Variants in NINL observed in about 807,000 individuals in gnomAD.
The protein encoded by NINL is ninein like.
In NINL, 153 loss-of-function variants were observed where a neutral mutation model predicts 160.3. The observed-to-expected ratio is 0.95, with a 90% CI of 0.84 to 1.09. The LOEUF is 1.09. NINL is among the 50% of genes least tolerant of loss of function. The probability of loss-of-function intolerance (pLI) is 0.00; values close to 1 mark genes in which losing one functional copy is unlikely to be tolerated. For missense variants in NINL, 1,829 were observed against 1,764.0 expected, an observed-to-expected ratio of 1.04 and a Z score of -0.66; for synonymous variants, 800 against 734.8, an observed-to-expected ratio of 1.09 and a Z score of -1.43.
chr20:25,486,516 C>A (rs970464670), intron 13 of NINL, among the ~76,000 whole-genome samples: 1 of 152,232 alleles, frequency 6.6e-6, no homozygotes, highest in African/African-American at 2.4e-5. Flanking sequence ...CCACATGCAG[C>A]TGCAGTCCTA....
intron 1 of NINL, among the ~76,000 whole-genome samples, chr20:25,584,683 G>A (rs2065208145): frequency 6.6e-6 from 1 of 152,110 alleles, no homozygotes; most frequent in Admixed American, 6.5e-5. Flanking sequence ...CCTAGTTCCA[G>A]GGCTTGGCCT....
At chr20:25,521,208 C>A (rs1374044803) in intron 2 of NINL, among the ~76,000 whole-genome samples, 1 of 152,184 alleles carries the variant, frequency 6.6e-6, no homozygotes, top group African/African-American at 2.4e-5. Flanking sequence ...TCAGCTGTGT[C>A]TAATCTGCTG....
intron 13 of NINL, among the ~76,000 whole-genome samples, chr20:25,483,310 G>A (rs1400579804): frequency 2.0e-5 from 3 of 151,656 alleles, no homozygotes; most frequent in East Asian, 3.9e-4. Flanking sequence ...CTCCAGCCTG[G>A]TGACAGAACA....
In NINL at chr20:25,517,730, AAACACAGAGGAAATCCTC is replaced by A. The variant is rs1224948788; in HGVS notation, c.277+5_277+22del. 6.6e-7 allele frequency: 1 copy of A among 1,516,192 alleles called. No individual in the cohort carries two copies. The highest frequency in any genetic ancestry group is 9.0e-7 in the Non-Finnish European group (1 of 1,115,060). The allele number at this position is 1,516,192 out of a possible 1,614,324, so 93.9% of individuals were successfully genotyped here. On this transcript the variant is annotated splice_donor_5th_base_variant and intron_variant, in intron 3 of 23. Coordinates refer to ENST00000278886, the MANE Select transcript of NINL (RefSeq NM_025176.6). The stretch of plus-strand genomic sequence containing the variant: ...AGTTAACAAACAAATAATGAAAAGA[AAACACAGAGGAAATCCTC>A]TTACCTGATTCCAAAGAACTACTGT...
At chr20:25,482,687 C>T (rs2063418360) in intron 13 of NINL, among the ~76,000 whole-genome samples, 1 of 143,740 alleles carries the variant, frequency 7.0e-6, no homozygotes, top group Non-Finnish European at 1.5e-5. Context: ...ATGGGAGGGG[C>T]TCAAAGAAAA....
At chr20:25,472,324 G>GAGATTATATAT (rs1491225365) in intron 17 of NINL, among the ~76,000 whole-genome samples, 1 of 83,982 alleles carries the variant, frequency 1.2e-5, no homozygotes, top group South Asian at 4.4e-4. Flanking sequence ...GGGAGGAGAG[G>GAGATTATATAT]ATATATATAT....
Position 25,474,847 on chromosome 20 carries a change from G to A in NINL, c.3248+1196C>T, listed in dbSNP as rs141712928. Among the ~76,000 whole-genome samples the A allele has an allele frequency of 5.7e-3, 865 of 151,208 alleles. 5 individuals carry two copies. The highest frequency in any genetic ancestry group is 8.6e-3 in the Non-Finnish European group (584 of 67,822). Reference sequence around the variant, plus strand: ...GTTGCCCAGGCTGAAGTGCAGTGGCGCGATCTCAAAACTCACTGCAACTTC... The same window carrying A: ...GTTGCCCAGGCTGAAGTGCAGTGGCACGATCTCAAAACTCACTGCAACTTC... On this transcript the variant is annotated intron_variant, in intron 17 of 23. Transcript: ENST00000278886.
chr20:25,473,675 T>TACACACACACACACACACAC (rs56359105), intron 17 of NINL, among the ~76,000 whole-genome samples: 1 of 137,902 alleles, frequency 7.3e-6, no homozygotes, highest in African/African-American at 2.7e-5. Flanking sequence ...AATACACACA[T>TACACACACACACACACACAC]ACACACACAC....
intron 2 of NINL, among the ~76,000 whole-genome samples, chr20:25,525,653 A>G (rs2064345407): frequency 6.6e-6 from 1 of 152,228 alleles, no homozygotes; most frequent in African/African-American, 2.4e-5. Context: ...GACTGTCTCA[A>G]AAAAACAAAC....
chr20:25,563,875 GAGA>G (rs557611896), intron 1 of NINL, among the ~76,000 whole-genome samples: 11 of 152,250 alleles, frequency 7.2e-5, no homozygotes, highest in South Asian at 2.1e-4. Flanking sequence ...AGATGAAAAA[GAGA>G]AGAAGAAGAA....
chr20:25,486,913 A>G (rs2063514953), intron 13 of NINL, among the ~76,000 whole-genome samples: 1 of 152,226 alleles, frequency 6.6e-6, no homozygotes, highest in Admixed American at 6.5e-5. Context: ...TAACAGACAC[A>G]TATTTTCCCT....
At chr20:25,505,344 G>A (rs1486258523) in intron 5 of NINL, among the ~76,000 whole-genome samples, 1 of 147,062 alleles carries the variant, frequency 6.8e-6, no homozygotes, top group Non-Finnish European at 1.5e-5. Flanking sequence ...GTTGGGGGGG[G>A]GTCACTTTCA....
intron 19 of NINL, among the ~76,000 whole-genome samples, chr20:25,465,561 A>G (rs1348313025): frequency 6.6e-6 from 1 of 152,092 alleles, no homozygotes; most frequent in Non-Finnish European, 1.5e-5. Flanking sequence ...GGCCCCAGAC[A>G]GACACAAGCA....
At chr20:25,562,778 A>C (rs1184659270) in intron 1 of NINL, among the ~76,000 whole-genome samples, 2 of 151,426 alleles carry the variant, frequency 1.3e-5, no homozygotes, top group African/African-American at 4.8e-5. Flanking sequence ...CAATAAAAAA[A>C]AAAAAACAAA....
chr20:25,511,958 C>G (rs1488198421), intron 4 of NINL, among the ~76,000 whole-genome samples: 1 of 152,184 alleles, frequency 6.6e-6, no homozygotes, highest in Non-Finnish European at 1.5e-5. Context: ...GAGCAGGAAC[C>G]AGGAACCTTT....
intron 23 of NINL, 92 bp downstream of exon 23, chr20:25,455,581 C>T (rs1006170922): frequency 3.5e-6 from 3 of 855,280 alleles, no homozygotes; most frequent in Non-Finnish European, 1.9e-6. Flanking sequence ...GACAAGACAG[C>T]CTTTTCCTGT....
At chr20:25,543,698 A>G (rs2064697281) in intron 1 of NINL, among the ~76,000 whole-genome samples, 1 of 152,168 alleles carries the variant, frequency 6.6e-6, no homozygotes, top group South Asian at 2.1e-4. Context: ...ACTTTACCTT[A>G]GCCTCTGATT....
chr20:25,546,944 T>G (rs1413575969), intron 1 of NINL, among the ~76,000 whole-genome samples: 1 of 152,140 alleles, frequency 6.6e-6, no homozygotes, highest in Non-Finnish European at 1.5e-5. Flanking sequence ...CTCCTCAGCT[T>G]GCAGATGTCT....
intron 5 of NINL, chr20:25,509,763 G>A: frequency 2.2e-6 from 1 of 455,100 alleles, no homozygotes; most frequent in Admixed American, 2.4e-5. Flanking sequence ...GTTTGCATAG[G>A]TGTTGGTCTT....
Sources: allele counts gnomAD v4.1 joint callset (sites outside exome capture counted in the v4.1 genomes callset), GRCh38; gene constraint gnomAD v4.1.1; transcripts MANE v1.5; gene names NCBI Gene and HGNC (gene_info 2026-07-23, HGNC 2026-07-21).